NEMF: variants seen among roughly 807,000 people sequenced by gnomAD.
The protein encoded by NEMF is ribosome quality control complex subunit NEMF.
NEMF carries 89 observed loss-of-function variants against 162.2 expected under a neutral mutation model. That is an observed-to-expected ratio of 0.55 (90% CI 0.46 to 0.65). The LOEUF (loss-of-function observed/expected upper bound fraction) is 0.65, where lower values mean the gene tolerates loss of function less well. Ranked by LOEUF, NEMF falls within the 30% of genes least tolerant of loss-of-function variation. NEMF has a pLI of 0.00. For missense variants in NEMF, 1,133 were observed against 1,261.9 expected (o/e 0.90, Z 1.55); for synonymous variants, 421 against 404.5 (o/e 1.04, Z -0.49).
chr14:49,815,982 A>T (rs866181680), intron 16 of NEMF, among the ~76,000 whole-genome samples: 3 of 152,094 alleles, frequency 2.0e-5, no homozygotes, highest in African/African-American at 7.2e-5. Context: ...AATAAATAAA[A>T]AACAAAAAAT....
At chr14:49,806,796 T>C (rs1447870881) in intron 18 of NEMF, among the ~76,000 whole-genome samples, 4 of 152,154 alleles carry the variant, frequency 2.6e-5, no homozygotes, top group African/African-American at 9.6e-5. Flanking sequence ...AAAATTAAAA[T>C]AGATTGGCTG....
chr14:49,816,455 C>G (rs908286670), intron 16 of NEMF, among the ~76,000 whole-genome samples: 1 of 152,120 alleles, frequency 6.6e-6, no homozygotes, highest in Non-Finnish European at 1.5e-5. Flanking sequence ...TCTTTGTGAC[C>G]TACTCCCTGT....
intron 20 of NEMF, 47 bp from the exon 21 acceptor site, chr14:49,802,774 ATT>A: frequency 6.7e-7 from 1 of 1,482,766 alleles, no homozygotes. Flanking sequence ...AGTCTTCTCC[ATT>A]TTTTGCTTGT....
chr14:49,782,785 A>G lies in NEMF; in HGVS notation c.*1851T>C, dbSNP rs1594708818. The G allele has an allele frequency of 6.3e-7, 1 of 1,593,950 alleles. No homozygotes were observed. Among genetic ancestry groups the G allele is most frequent in the African/African-American group, 1.3e-5 (1 of 74,194 alleles). On this transcript the variant is annotated 3_prime_UTR_variant, in exon 33 of 33. Transcript: ENST00000298310. Reference sequence around the variant, plus strand: ...AGTTTTTCAAGTGAATGTACTTCCAAACAGTAAAGTGAAATTACTTTTCTC... The same window carrying G: ...AGTTTTTCAAGTGAATGTACTTCCAGACAGTAAAGTGAAATTACTTTTCTC...
Position 49,784,628 on chromosome 14 carries a change from CA to C in NEMF, c.*7del. 1 of 1,594,866 alleles carries C rather than the reference CA, an allele frequency of 6.3e-7. No homozygotes were observed. The highest frequency in any genetic ancestry group is 2.2e-5 in the East Asian group (1 of 44,712). On this transcript the variant is annotated 3_prime_UTR_variant, in exon 33 of 33. Transcript: ENST00000298310. ...GCTCTTCTCAAATATTTTAGAATTT[CA>C]TTTCAGCTATTTCCTTTTTACGTTC...
At chr14:49,814,168 C>T in intron 17 of NEMF, 118 bp from the exon 18 acceptor site, 2 of 609,294 alleles carry the variant, frequency 3.3e-6, no homozygotes, top group Non-Finnish European at 5.9e-6. Flanking sequence ...GGCACGATTT[C>T]AGCTCACTGC....
intron 4 of NEMF, among the ~76,000 whole-genome samples, chr14:49,844,353 G>A (rs554823758): frequency 4.7e-4 from 72 of 152,288 alleles, no homozygotes; most frequent in African/African-American, 1.5e-3. Flanking sequence ...GATCTGACAG[G>A]AGGCAGAGCT....
chr14:49,792,692 A>G (rs1297834904), intron 26 of NEMF, among the ~76,000 whole-genome samples: 1 of 152,252 alleles, frequency 6.6e-6, no homozygotes, highest in East Asian at 1.9e-4. Context: ...ATAAAATAAT[A>G]CAATAGTCTG....
chr14:49,818,937 G>A (rs935427931), intron 16 of NEMF, among the ~76,000 whole-genome samples: 3 of 152,030 alleles, frequency 2.0e-5, no homozygotes, highest in African/African-American at 7.2e-5. Flanking sequence ...CAACCACCCA[G>A]GGAACTTCCA....
intron 3 of NEMF, among the ~76,000 whole-genome samples, chr14:49,850,295 C>T (rs943321140): frequency 3.3e-5 from 5 of 152,146 alleles, no homozygotes; most frequent in Admixed American, 3.3e-4. Flanking sequence ...ACCATGTTGG[C>T]TGGGCTGGCC....
chr14:49,835,342 G>A, intron 6 of NEMF, among the ~76,000 whole-genome samples: 1 of 152,064 alleles, frequency 6.6e-6, no homozygotes, highest in South Asian at 2.1e-4. Flanking sequence ...ATTTATCCCT[G>A]GAATGCAAGG....
intron 4 of NEMF, among the ~76,000 whole-genome samples, chr14:49,841,578 G>GA (rs535773426): frequency 0.23 from 17,019 of 73,414 alleles, 1,429 homozygotes; most frequent in Middle Eastern, 0.3. Context: ...CTCGTCTTAA[G>GA]AAAAAAAAAA....
chr14:49,782,328 G>A lies in NEMF; in HGVS notation c.*2308C>T, dbSNP rs1484294938. 3 of 1,351,804 alleles carry A rather than the reference G, an allele frequency of 2.2e-6. No individual in the cohort carries two copies. In the East Asian group the frequency reaches 6.9e-5, roughly 31 times the overall value. 83.7% of individuals were successfully genotyped at this position (1,351,804 alleles called of 1,614,324 possible). A position where few individuals can be genotyped will look rare whatever the true frequency, so the allele number is the denominator to read the frequency against. On this transcript the variant is annotated 3_prime_UTR_variant, in exon 33 of 33. Coordinates refer to ENST00000298310, the MANE Select transcript of NEMF (RefSeq NM_004713.6). ...TTCTGTAGTATAAAATGGCCAACTG[G>A]TGTTCTGGGTGGCTTCAAACTCGTT...
Position 49,832,091 on chromosome 14 carries a change from T to C in NEMF, c.842A>G (p.His281Arg). 1.2e-6 allele frequency: 2 copies of C among 1,607,446 alleles called. No homozygotes were observed. The highest frequency in any genetic ancestry group is 8.5e-7 in the Non-Finnish European group (1 of 1,177,898). ...AAATTCTATATATGGACATTGTGAA[T>C]GTTGAGAAAACAAGAAAGGATGAAA... ...EEFHPFLFSQ[H>R]SQCPYIEFES... The change falls in exon 10 of 33, where the codon CAT (histidine) becomes CGT (arginine). Residue 281 changes from histidine (H) to arginine (R), a missense_variant. His to Arg is a conservative substitution (Grantham distance 29). Around this residue, in one of 3 missense-constraint regions of NEMF, gnomAD observed 582 missense variants for 631.5 expected, o/e 0.92. Coordinates refer to ENST00000298310, the MANE Select transcript of NEMF (RefSeq NM_004713.6).
At chr14:49,842,143 GA>G (rs11380094) in intron 4 of NEMF, among the ~76,000 whole-genome samples, 7 of 145,400 alleles carry the variant, frequency 4.8e-5, no homozygotes, top group African/African-American at 1.8e-4. Context: ...ATCTACAATA[GA>G]AAAAAAAAAC....
At position 49,783,970 on chromosome 14, in the gene NEMF, TAGATGTTA is replaced by T. The variant is rs1188237958; in HGVS notation, c.*658_*665del. 6.6e-6 allele frequency: 1 copy of T among 152,108 alleles called. No homozygotes were observed. Among genetic ancestry groups the T allele is most frequent in the Admixed American group, 6.6e-5 (1 of 15,266 alleles). The allele number at this position is 152,108 out of a possible 1,614,324, so 9.4% of individuals were successfully genotyped here. ...TAGCTGGCCTATAATATATATATATTAGATGTTATATACAGTAGACTTACCAAGTCAAT... is the reference window on the plus strand; with the variant it reads ...TAGCTGGCCTATAATATATATATATTTATACAGTAGACTTACCAAGTCAAT... On this transcript the variant is annotated 3_prime_UTR_variant, in exon 33 of 33. Transcript: ENST00000298310.
At chr14:49,847,224 C>T (rs930439206) in intron 3 of NEMF, among the ~76,000 whole-genome samples, 37 of 151,468 alleles carry the variant, frequency 2.4e-4, no homozygotes, top group African/African-American at 6.1e-4. Flanking sequence ...TATTTGGAGA[C>T]GGAGTCTCAC....
chr14:49,809,803 G>A (rs1010854450), intron 18 of NEMF, among the ~76,000 whole-genome samples: 1 of 151,988 alleles, frequency 6.6e-6, no homozygotes, highest in African/African-American at 2.4e-5. Flanking sequence ...AGACGTTGCA[G>A]TAAGCTGAGA....
Position 49,782,156 on chromosome 14 carries a change from G to A in NEMF, c.*2480C>T. 1 of 514,942 alleles carries A rather than the reference G, an allele frequency of 1.9e-6. No individual in the cohort carries two copies. The highest frequency in any genetic ancestry group is 3.4e-6 in the Non-Finnish European group (1 of 291,888). The allele number at this position is 514,942 out of a possible 1,614,324, so 31.9% of individuals were successfully genotyped here. On this transcript the variant is annotated 3_prime_UTR_variant, in exon 33 of 33. Transcript: ENST00000298310. ...AGTTCAAACTCCTCATTGCATAAAT[G>A]AGAACGACCAGAGAGAGAAAATAAT...
Sources: gnomAD v4.1 joint callset for allele counts (sites outside exome capture counted in the v4.1 genomes callset) on GRCh38, gnomAD v4.1.1 for gene constraint, gnomAD v4.1.1 regional missense constraint, MANE v1.5 for transcripts, NCBI Gene and HGNC (gene_info 2026-07-23, HGNC 2026-07-21) for gene names.